Variants in LRCH2 observed in about 807,000 individuals in gnomAD.
LRCH2 encodes leucine-rich repeat and calponin homology domain-containing protein 2.
Under a neutral mutation model 68.9 loss-of-function variants are expected in LRCH2, and 38 were observed. That is an observed-to-expected ratio of 0.55 (90% CI 0.43 to 0.72). LRCH2 has a LOEUF of 0.72. Among genes scored for constraint, LRCH2 ranks in the 30% least tolerant of loss-of-function variants. The probability of loss-of-function intolerance (pLI) is 0.00; values close to 1 mark genes in which losing one functional copy is unlikely to be tolerated. For missense variants in LRCH2, 528 were observed against 572.9 expected (o/e 0.92, Z 0.80); for synonymous variants, 191 against 208.1 (o/e 0.92, Z 0.71).
chrX:115,173,105 C>T (rs1223360352), intron 5 of LRCH2, among the ~76,000 whole-genome samples: 1 of 111,399 alleles, frequency 9.0e-6, no homozygotes, highest in Non-Finnish European at 1.9e-5. Flanking sequence ...TATGAATATG[C>T]TCCATTTTTC....
Position 115,179,638 on chromosome X carries a change from C to T in LRCH2, c.727+8G>A. ...TATTCATGTGAGTAAAAACAGTGAA[C>T]ATCTTACCATCTGGCAAAACATGAA... is the stretch of plus-strand genomic sequence containing the variant. On this transcript the variant is annotated splice_region_variant and intron_variant, in intron 4 of 20. Transcript: ENST00000317135. 1 of 1,110,748 alleles carries T rather than the reference C, an allele frequency of 9.0e-7. No individual in the cohort carries two copies. The allele number at this position is 1,110,748 out of a possible 1,213,427, so 91.5% of individuals were successfully genotyped here.
At chrX:115,146,906 TACACACACACACACACAC>T (rs57837250) in intron 14 of LRCH2, among the ~76,000 whole-genome samples, 52 of 67,576 alleles carry the variant, frequency 7.7e-4, no homozygotes, top group African/African-American at 2.3e-3. Flanking sequence ...CTTACATACA[TACACACACACACACACAC>T]ACACACACAC....
At position 115,165,827 on chromosome X, in the gene LRCH2, A is replaced by T. The variant is rs1163450860; in HGVS notation, c.1198+14T>A. On this transcript the variant is annotated intron_variant, in intron 8 of 20. Coordinates refer to ENST00000317135, the MANE Select transcript of LRCH2 (RefSeq NM_020871.4). Reference sequence around the variant, plus strand: ...TGTACATGAAACAAAAATAGCAGGTACCATATGAATTACCTTTCTGAGAAT... The same window carrying T: ...TGTACATGAAACAAAAATAGCAGGTTCCATATGAATTACCTTTCTGAGAAT... The T allele has an allele frequency of 9.1e-7, 1 of 1,094,619 alleles. No homozygotes were observed. The highest frequency in any genetic ancestry group is 1.2e-6 in the Non-Finnish European group (1 of 813,260). 90.2% of individuals were successfully genotyped at this position (1,094,619 alleles called of 1,213,427 possible). A position where few individuals can be genotyped will look rare whatever the true frequency, so the allele number is the denominator to read the frequency against.
At chrX:115,142,532 C>G (rs1556534666) in intron 14 of LRCH2, among the ~76,000 whole-genome samples, 1 of 111,734 alleles carries the variant, frequency 8.9e-6, no homozygotes, top group Non-Finnish European at 1.9e-5. Flanking sequence ...ATTTTTAAAA[C>G]TATACAAACA....
intron 11 of LRCH2, among the ~76,000 whole-genome samples, chrX:115,160,921 T>C (rs782725811): frequency 2.7e-5 from 3 of 112,365 alleles, no homozygotes; most frequent in Non-Finnish European, 5.6e-5. Context: ...TAACATATTG[T>C]AGAAGGAAGA....
intron 1 of LRCH2, among the ~76,000 whole-genome samples, chrX:115,214,853 A>G (rs1187356026): frequency 1.8e-5 from 2 of 112,001 alleles, no homozygotes; most frequent in Non-Finnish European, 3.8e-5. Flanking sequence ...ACAAGACCTT[A>G]TTTAAAAGAA....
At chrX:115,192,610 C>T (rs781960022) in intron 1 of LRCH2, 13 of 1,171,132 alleles carry the variant, frequency 1.1e-5, no homozygotes, top group Middle Eastern at 4.7e-4. Context: ...TCAAGGAGGC[C>T]GCTTCGAGAG....
intron 1 of LRCH2, among the ~76,000 whole-genome samples, chrX:115,207,385 C>T (rs781976750): frequency 1.7e-4 from 19 of 110,068 alleles, no homozygotes; most frequent in Non-Finnish European, 7.6e-5. Flanking sequence ...CAAAAAAATA[C>T]AAAAAGTAGC....
Position 115,233,908 on chromosome X carries a change from G to T in LRCH2, c.134C>A (p.Thr45Asn). Residue 45 changes from threonine (T) to asparagine (N), a missense_variant, in exon 1 of 21, where the codon ACC becomes AAC. Transcript: ENST00000317135. ...CGGTACCGGGATGGGGACCACCAGG[G>T]TCCCGCCGCCGCCGCCGCCTCCCCC... ...AGGGGGGGGG[T>N]LVVPIPVPTL... 8.6e-7 allele frequency: 1 copy of T among 1,163,700 alleles called. No homozygotes were observed. Among genetic ancestry groups the T allele is most frequent in the Non-Finnish European group, 1.1e-6 (1 of 871,754 alleles).
intron 1 of LRCH2, among the ~76,000 whole-genome samples, chrX:115,233,084 GATTTA>G (rs1306738273): frequency 8.9e-6 from 1 of 111,894 alleles, no homozygotes; most frequent in Admixed American, 9.5e-5. Context: ...AGTGATTGAT[GATTTA>G]ATTTACCACT....
chrX:115,136,461 T>C (rs988112770), intron 14 of LRCH2, among the ~76,000 whole-genome samples: 2 of 110,807 alleles, frequency 1.8e-5, no homozygotes, highest in Non-Finnish European at 3.8e-5. Context: ...TTACACTATA[T>C]TTTTTATTTG....
chrX:115,226,028 A>G (rs1209260041), intron 1 of LRCH2, among the ~76,000 whole-genome samples: 1 of 112,157 alleles, frequency 8.9e-6, no homozygotes, highest in African/African-American at 3.2e-5. Context: ...CTGACATACT[A>G]TACAACCCAG....
intron 12 of LRCH2, 79 bp downstream of exon 12, chrX:115,156,523 C>T (rs1487592975): frequency 3.6e-5 from 20 of 557,881 alleles, no homozygotes; most frequent in Non-Finnish European, 5.2e-5. Flanking sequence ...TAATTAAAGC[C>T]TATATACAAA....
chrX:115,169,762 TAAAAAC>T (rs1192429127), intron 6 of LRCH2, among the ~76,000 whole-genome samples: 1 of 111,450 alleles, frequency 9.0e-6, no homozygotes, highest in Non-Finnish European at 1.9e-5. Flanking sequence ...AAGGATGAAT[TAAAAAC>T]AGAATGTTCA....
At chrX:115,164,566 ATT>A (rs782099995) in intron 10 of LRCH2, among the ~76,000 whole-genome samples, 23 of 111,698 alleles carry the variant, frequency 2.1e-4, no homozygotes, top group Non-Finnish European at 3.6e-4. Flanking sequence ...CTGTGAAGTC[ATT>A]TGGAGGAAGC....
At chrX:115,201,840 G>C (rs2072932276) in intron 1 of LRCH2, among the ~76,000 whole-genome samples, 1 of 111,493 alleles carries the variant, frequency 9.0e-6, no homozygotes, top group South Asian at 3.7e-4. Flanking sequence ...AAACACAGTA[G>C]CATTTCTAAA....
intron 1 of LRCH2, among the ~76,000 whole-genome samples, chrX:115,199,171 A>C (rs1388798030): frequency 1.8e-5 from 2 of 112,277 alleles, no homozygotes; most frequent in African/African-American, 6.5e-5. Context: ...CAAAGGAGGA[A>C]GAAAAAGGAA....
chrX:115,138,273 T>TCATA (rs1293231504), intron 14 of LRCH2, among the ~76,000 whole-genome samples: 2 of 111,566 alleles, frequency 1.8e-5, no homozygotes, highest in Non-Finnish European at 3.8e-5. Context: ...AGAAGGAATG[T>TCATA]CATAGAGAGA....
chrX:115,219,142 A>G (rs147444013), intron 1 of LRCH2, among the ~76,000 whole-genome samples: 1,658 of 112,318 alleles, frequency 0.015, 15 homozygotes, highest in Admixed American at 0.035. Context: ...TCAGATTGCA[A>G]AACAAAAGTA....
Sources: allele counts gnomAD v4.1 joint callset (sites outside exome capture counted in the v4.1 genomes callset), GRCh38; gene constraint gnomAD v4.1.1; transcripts MANE v1.5; gene names NCBI Gene and HGNC (gene_info 2026-07-23, HGNC 2026-07-21).